MARCHF2: variants seen among roughly 807,000 people sequenced by gnomAD.
The protein encoded by MARCHF2 is E3 ubiquitin-protein ligase MARCHF2.
A neutral mutation model predicts 24.0 loss-of-function variants in MARCHF2; 22 were observed. The observed-to-expected ratio is 0.92, with a 90% CI of 0.66 to 1.31. MARCHF2 has a LOEUF of 1.31. Ranked by LOEUF, MARCHF2 falls within the 50% of genes most tolerant of loss-of-function variation. The pLI, the probability that MARCHF2 is intolerant of heterozygous loss-of-function variation, is 0.00. For synonymous variants in MARCHF2, 154 were observed against 153.0 expected (o/e 1.01, Z -0.05); for missense variants, 301 against 335.3 (o/e 0.90, Z 0.80).
chr19:8,423,160 A>G (rs570652596), intron 2 of MARCHF2, among the ~76,000 whole-genome samples: 1 of 150,640 alleles, frequency 6.6e-6, no homozygotes, highest in African/African-American at 2.4e-5. Context: ...CCTGGGTTCA[A>G]GCGATTCTCC....
chr19:8,435,466 A>G (rs1256027543), intron 4 of MARCHF2, among the ~76,000 whole-genome samples: 2 of 152,060 alleles, frequency 1.3e-5, no homozygotes, highest in Admixed American at 1.3e-4. Context: ...TCGTTTACCC[A>G]AGCAGTGCAT....
At chr19:8,421,022 C>A (rs1967222118) in intron 1 of MARCHF2, among the ~76,000 whole-genome samples, 1 of 152,024 alleles carries the variant, frequency 6.6e-6, no homozygotes, top group Non-Finnish European at 1.5e-5. Flanking sequence ...TGGTCTCAAA[C>A]TCCTGGGGCT....
chr19:8,429,880 A>G (rs1416368838), intron 3 of MARCHF2, among the ~76,000 whole-genome samples: 1 of 144,098 alleles, frequency 6.9e-6, no homozygotes, highest in African/African-American at 2.6e-5. Flanking sequence ...GTAGATTAGT[A>G]GCCAAAGACG....
chr19:8,417,784 A>G (rs1487078261), intron 1 of MARCHF2, among the ~76,000 whole-genome samples: 1 of 85,700 alleles, frequency 1.2e-5, no homozygotes, highest in Admixed American at 1.4e-4. Context: ...TTTTTTGAGA[A>G]AGAATTTCAC....
intron 1 of MARCHF2, among the ~76,000 whole-genome samples, chr19:8,419,885 G>A (rs574191079): frequency 1.7e-4 from 26 of 149,100 alleles, no homozygotes; most frequent in Non-Finnish European, 3.4e-4. Flanking sequence ...ATTGCCGGGC[G>A]CAGTGGCTCA....
rs769105700 is a variant in MARCHF2, at chr19:8,430,671, C to T, written c.386C>T (p.Pro129Leu). 11 of 1,608,356 alleles carry T rather than the reference C, an allele frequency of 6.8e-6. No individual in the cohort carries two copies. The highest frequency in any genetic ancestry group is 1.1e-5 in the South Asian group (1 of 91,028). ...TCTCCCCTGCAGTGGCTGAAGGACC[C>T]GGGGCCGCGGACGGAGAAGCGGACA... ...PRPLTEWLKD[P>L]GPRTEKRTLC... The change falls in exon 4 of 5, where the codon CCG (proline) becomes CTG (leucine). Residue 129 changes from proline to leucine, a missense_variant. Coordinates refer to ENST00000215555, the MANE Select transcript of MARCHF2 (RefSeq NM_001005415.2). The surrounding 1 kb of genome is among the most constrained non-coding windows in gnomAD (Gnocchi z 4.4).
intron 4 of MARCHF2, among the ~76,000 whole-genome samples, chr19:8,434,765 G>A (rs1337638590): frequency 6.6e-6 from 1 of 152,056 alleles, no homozygotes; most frequent in Non-Finnish European, 1.5e-5. Context: ...AGAGTGCAAT[G>A]GTGCAATCTC....
In MARCHF2 at chr19:8,438,475, C is replaced by G; in HGVS notation, c.670C>G (p.Pro224Ala). 1.9e-6 allele frequency: 3 copies of G among 1,614,120 alleles called. No individual in the cohort carries two copies. Among genetic ancestry groups the G allele is most frequent in the Non-Finnish European group, 2.5e-6 (3 of 1,180,022 alleles). ...VRLKIREADS[P>A]EGPQHSPLAA... is the part of the protein sequence containing the mutation. ...CCTGAAGATCCGGGAGGCGGACAGC[C>G]CCGAGGGCCCCCAGCATTCTCCACT... is the stretch of plus-strand genomic sequence containing the variant. The change falls in exon 5 of 5, where the codon CCC becomes GCC. Residue 224 changes from proline to alanine, a missense_variant. Coordinates refer to ENST00000215555, the MANE Select transcript of MARCHF2 (RefSeq NM_001005415.2).
At chr19:8,429,951 T>C (rs943890480) in intron 3 of MARCHF2, among the ~76,000 whole-genome samples, 2 of 151,974 alleles carry the variant, frequency 1.3e-5, no homozygotes, top group African/African-American at 4.8e-5. Context: ...TATGTAGCTG[T>C]GTGAGTTTGC....
chr19:8,419,496 AAAAT>A (rs1459804743), intron 1 of MARCHF2, among the ~76,000 whole-genome samples: 2 of 150,396 alleles, frequency 1.3e-5, no homozygotes, highest in East Asian at 3.9e-4. Context: ...TCCATCTCAA[AAAAT>A]AAATAAATAA....
At chr19:8,423,928 G>GGAGTCC (rs980084554) in intron 2 of MARCHF2, among the ~76,000 whole-genome samples, 2 of 150,664 alleles carry the variant, frequency 1.3e-5, no homozygotes. Flanking sequence ...CTCGAGCTAG[G>GGAGTCC]GAGTCCGAGG....
chr19:8,437,847 C>T (rs1016582410), intron 4 of MARCHF2, among the ~76,000 whole-genome samples: 1 of 151,346 alleles, frequency 6.6e-6, no homozygotes, highest in African/African-American at 2.4e-5. Flanking sequence ...CAGGCTCAGG[C>T]GATTCTCCTG....
chr19:8,432,741 T>G (rs1031374317), intron 4 of MARCHF2, among the ~76,000 whole-genome samples: 1 of 151,948 alleles, frequency 6.6e-6, no homozygotes, highest in African/African-American at 2.4e-5. Context: ...CAGTGAGCTG[T>G]GATCACACTA....
chr19:8,437,492 C>T (rs1967760006), intron 4 of MARCHF2, among the ~76,000 whole-genome samples: 1 of 151,372 alleles, frequency 6.6e-6, no homozygotes, highest in Non-Finnish European at 1.5e-5. Context: ...GCTGGGATTA[C>T]AGGCGCCCAC....
At chr19:8,434,005 A>G (rs1403433405) in intron 4 of MARCHF2, among the ~76,000 whole-genome samples, 1 of 151,976 alleles carries the variant, frequency 6.6e-6, no homozygotes, top group African/African-American at 2.4e-5. Context: ...CTCACCCCTC[A>G]GACATAACCA....
In MARCHF2 at chr19:8,416,712, G is replaced by A. The variant is rs559394469; in HGVS notation, c.-53+3292G>A. On this transcript the variant is annotated intron_variant, in intron 1 of 4. Coordinates refer to ENST00000215555, the MANE Select transcript of MARCHF2 (RefSeq NM_001005415.2). ...CTCCTGAGTAGCTGGGATTACAGGC[G>A]CACATCACCACACCCGGCTCATTTT... Among the ~76,000 whole-genome samples, 34 of 151,854 alleles carry A rather than the reference G, an allele frequency of 2.2e-4. 1 individual carries two copies. Among genetic ancestry groups the A allele is most frequent in the African/African-American group, 7.5e-4 (31 of 41,376 alleles).
At chr19:8,436,121 TA>T (rs1967713435) in intron 4 of MARCHF2, among the ~76,000 whole-genome samples, 1 of 151,948 alleles carries the variant, frequency 6.6e-6, no homozygotes, top group Non-Finnish European at 1.5e-5. Context: ...GATGAATGTA[TA>T]ATGACATGTA....
intron 4 of MARCHF2, among the ~76,000 whole-genome samples, chr19:8,437,512 C>T (rs540282057): frequency 3.2e-4 from 48 of 150,848 alleles, no homozygotes; most frequent in Non-Finnish European, 6.2e-4. Context: ...CCACCACGGC[C>T]GGCTAATTTT....
In MARCHF2 at chr19:8,432,688, G is replaced by A. The variant is rs560586901; in HGVS notation, c.582+1821G>A. On this transcript the variant is annotated intron_variant, in intron 4 of 4. Coordinates refer to ENST00000215555, the MANE Select transcript of MARCHF2 (RefSeq NM_001005415.2). Reference sequence around the variant, plus strand: ...TGCCTGTAGTCCCAGCTACCTGGGAGGCTGAGTCAGGAGGATCACTTGAGC... The same window carrying A: ...TGCCTGTAGTCCCAGCTACCTGGGAAGCTGAGTCAGGAGGATCACTTGAGC... Among the ~76,000 whole-genome samples the A allele has an allele frequency of 6.6e-5, 10 of 152,228 alleles. No homozygotes were observed. In the East Asian group the frequency reaches 1.9e-3, roughly 29 times the overall value.
Sources: allele counts gnomAD v4.1 joint callset (sites outside exome capture counted in the v4.1 genomes callset), GRCh38; gene constraint gnomAD v4.1.1; non-coding constraint Gnocchi (gnomAD v3.1); transcripts MANE v1.5; gene names NCBI Gene and HGNC (gene_info 2026-07-23, HGNC 2026-07-21).